EML6: variants seen among roughly 807,000 people sequenced by gnomAD.
The protein encoded by EML6 is EMAP like 6.
In EML6, 154 loss-of-function variants were observed where a neutral mutation model predicts 240.1. The observed-to-expected ratio is 0.64, with a 90% CI of 0.56 to 0.73. The LOEUF (loss-of-function observed/expected upper bound fraction) is 0.73. EML6 is among the 30% of genes least tolerant of loss of function. The probability of loss-of-function intolerance (pLI) is 0.00; values close to 1 mark genes in which losing one functional copy is unlikely to be tolerated. For synonymous variants in EML6, 1,148 were observed against 899.0 expected, an observed-to-expected ratio of 1.28 and a Z score of -4.95; for missense variants, 2,964 against 2,474.6, an observed-to-expected ratio of 1.20 and a Z score of -4.20.
intron 25 of EML6, among the ~76,000 whole-genome samples, chr2:54,913,841 G>T (rs1673767343): frequency 6.6e-6 from 1 of 152,184 alleles, no homozygotes; most frequent in Admixed American, 6.5e-5. Flanking sequence ...TGTGTATGGT[G>T]AAATGTAGGG....
intron 2 of EML6, among the ~76,000 whole-genome samples, chr2:54,808,763 T>G (rs1181286409): frequency 6.6e-6 from 1 of 152,220 alleles, no homozygotes. Context: ...CATGACCCTT[T>G]TGATTCTCAT....
intron 2 of EML6, among the ~76,000 whole-genome samples, chr2:54,761,001 A>G (rs1019983251): frequency 6.6e-6 from 1 of 152,136 alleles, no homozygotes; most frequent in African/African-American, 2.4e-5. Flanking sequence ...GGTAATCAGT[A>G]TCTTTGAGGT....
chr2:54,776,757 A>G (rs1668620184), intron 2 of EML6, among the ~76,000 whole-genome samples: 1 of 151,682 alleles, frequency 6.6e-6, no homozygotes. Context: ...TCCTGTTTCT[A>G]ACTCAACCTT....
intron 28 of EML6, among the ~76,000 whole-genome samples, chr2:54,929,086 G>A (rs1029863941): frequency 6.6e-6 from 1 of 152,246 alleles, no homozygotes; most frequent in Non-Finnish European, 1.5e-5. Context: ...AGGAAAGCCT[G>A]CTGACCAGCA....
intron 2 of EML6, among the ~76,000 whole-genome samples, chr2:54,801,701 A>T (rs753384279): frequency 6.6e-6 from 1 of 152,072 alleles, no homozygotes; most frequent in Admixed American, 6.5e-5. Flanking sequence ...CCATTTAATG[A>T]TTTTCTTCTG....
rs117351110 is a variant in EML6 at position 54,781,395 on chromosome 2, A to T, written c.198-31837A>T. Among the ~76,000 whole-genome samples the T allele has an allele frequency of 1.5e-4, 23 of 152,348 alleles. No individual in the cohort carries two copies. In the East Asian group the frequency reaches 3.7e-3, roughly 24 times the overall value. On this transcript the variant is annotated intron_variant, in intron 2 of 41. Coordinates refer to ENST00000356458, the MANE Select transcript of EML6 (RefSeq NM_001039753.4). ...GCAGCTGATGGCTGTGGAATGGGAA[A>T]TAGTGTCATTCTCAGATAATTGGTC...
intron 7 of EML6, 150 bp downstream of exon 7, chr2:54,829,627 A>G (rs1572964690): frequency 1.7e-6 from 1 of 604,366 alleles, no homozygotes; most frequent in Admixed American, 3.4e-5. Flanking sequence ...AAGTAAATGG[A>G]TGTCCTTTTT....
chr2:54,882,348 C>T (rs1242859373), intron 17 of EML6: 2 of 148,664 alleles, frequency 1.3e-5, no homozygotes, highest in African/African-American at 5.0e-5. Context: ...AGAACCAAGG[C>T]TGATCTCTTA....
At chr2:54,760,792 C>T (rs1375995124) in intron 2 of EML6, among the ~76,000 whole-genome samples, 1 of 148,794 alleles carries the variant, frequency 6.7e-6, no homozygotes, top group East Asian at 2.0e-4. Context: ...GATCCATTCT[C>T]TCTCCCCATT....
Position 54,971,973 on chromosome 2 carries a change from A to ACACAT in EML6, c.*1882_*1886dup, listed in dbSNP as rs777664125. ...CATGAATTTATTTTCAAAGTATAAAACACATCACTTAAACATTTTATGTGT... is the reference window on the plus strand; with the variant it reads ...CATGAATTTATTTTCAAAGTATAAAACACATCACATCACTTAAACATTTTATGTGT... On this transcript the variant is annotated 3_prime_UTR_variant, in exon 42 of 42. Transcript: ENST00000356458. The ACACAT allele has an allele frequency of 1.3e-5, 2 of 152,310 alleles. No homozygotes were observed. The highest frequency in any genetic ancestry group is 3.9e-4 in the East Asian group (2 of 5,190). 9.4% of individuals were successfully genotyped at this position (152,310 alleles called of 1,614,324 possible). A position where few individuals can be genotyped will look rare whatever the true frequency, so the allele number is the denominator to read the frequency against.
At chr2:54,915,876 A>G (rs1673883485) in intron 25 of EML6, among the ~76,000 whole-genome samples, 1 of 152,218 alleles carries the variant, frequency 6.6e-6, no homozygotes, top group South Asian at 2.1e-4. Context: ...ATATTAAGGT[A>G]TAATAGCAGA....
intron 7 of EML6, among the ~76,000 whole-genome samples, chr2:54,842,261 A>G (rs1373810951): frequency 1.3e-5 from 2 of 152,166 alleles, no homozygotes; most frequent in Non-Finnish European, 2.9e-5. Context: ...TCTGCCCCAG[A>G]TTTTTAATTT....
At chr2:54,828,042 A>G (rs1026679072) in intron 6 of EML6, among the ~76,000 whole-genome samples, 2 of 152,260 alleles carry the variant, frequency 1.3e-5, no homozygotes, top group South Asian at 2.1e-4. Flanking sequence ...GGCACTTCTC[A>G]AACTTTAATG....
At chr2:54,924,545 AT>A (rs1037189930) in intron 26 of EML6, among the ~76,000 whole-genome samples, 28 of 151,398 alleles carry the variant, frequency 1.8e-4, no homozygotes, top group Admixed American at 5.9e-4. Context: ...AAAATCACTT[AT>A]TTTTTTTTAA....
chr2:54,938,053 A>T (rs1675240617), intron 28 of EML6, among the ~76,000 whole-genome samples: 1 of 152,196 alleles, frequency 6.6e-6, no homozygotes, highest in African/African-American at 2.4e-5. Context: ...GATTGTATAA[A>T]AGTTAGGTGG....
chr2:54,802,350 G>T (rs969780126), intron 2 of EML6, among the ~76,000 whole-genome samples: 2 of 152,118 alleles, frequency 1.3e-5, no homozygotes, highest in Non-Finnish European at 2.9e-5. Flanking sequence ...AGTAGGCAGG[G>T]TGCAGTGACT....
At position 54,853,829 on chromosome 2, in the gene EML6, T is replaced by G; in HGVS notation, c.1631T>G (p.Leu544Trp). ...VSGDDFGLVK[L>W]FKFPCLKRGA... ...GGAGATGATTTTGGACTGGTTAAAT[T>G]GTTTAAATTTCCTTGTCTCAAGAGA... The change falls in exon 11 of 42, where the codon TTG becomes TGG. Residue 544 changes from leucine (L) to tryptophan (W), a missense_variant. By Grantham distance (61) the Leu-to-Trp change is moderately conservative. Coordinates refer to ENST00000356458, the MANE Select transcript of EML6 (RefSeq NM_001039753.4). 1 of 1,551,356 alleles carries G rather than the reference T, an allele frequency of 6.4e-7. No individual in the cohort carries two copies. The highest frequency in any genetic ancestry group is 8.7e-7 in the Non-Finnish European group (1 of 1,146,788).
intron 17 of EML6, among the ~76,000 whole-genome samples, chr2:54,887,464 C>T (rs932684489): frequency 6.6e-6 from 1 of 152,136 alleles, no homozygotes; most frequent in Non-Finnish European, 1.5e-5. Context: ...CCCAGTTTGT[C>T]ATTCATCCTT....
intron 10 of EML6, among the ~76,000 whole-genome samples, chr2:54,850,684 T>C (rs1023793117): frequency 6.6e-6 from 1 of 152,190 alleles, no homozygotes; most frequent in African/African-American, 2.4e-5. Context: ...TTACACTATT[T>C]AGACTGGCAA....
Sources: allele counts gnomAD v4.1 joint callset (sites outside exome capture counted in the v4.1 genomes callset), GRCh38; gene constraint gnomAD v4.1.1; transcripts MANE v1.5; gene names NCBI Gene and HGNC (gene_info 2026-07-23, HGNC 2026-07-21).